Variants in RBFOX1 observed in about 807,000 individuals in gnomAD.
The protein encoded by RBFOX1 is RNA binding protein fox-1 homolog 1.
In RBFOX1, 8 loss-of-function variants were observed where a neutral mutation model predicts 57.7. The observed-to-expected ratio is 0.14, with a 90% confidence interval of 0.08 to 0.25. The LOEUF (loss-of-function observed/expected upper bound fraction) is 0.25. Among genes scored for constraint, RBFOX1 ranks in the 10% least tolerant of loss-of-function variants. The pLI is 1.00. For missense variants in RBFOX1, 611 were observed against 548.5 expected, an observed-to-expected ratio of 1.11 and a Z score of -1.14; for synonymous variants, 326 against 222.4, an observed-to-expected ratio of 1.47 and a Z score of -4.15.
intron 1 of RBFOX1, among the ~76,000 whole-genome samples, chr16:6,179,645 C>T (rs1354243094): frequency 1.3e-5 from 2 of 152,194 alleles, no homozygotes; most frequent in Non-Finnish European, 2.9e-5. Context: ...CCCAACAGCA[C>T]CTGCTGCTGC....
chr16:6,592,701 CGTGTGT>C (rs763077469), intron 2 of RBFOX1, among the ~76,000 whole-genome samples: 1 of 151,584 alleles, frequency 6.6e-6, no homozygotes, highest in African/African-American at 2.4e-5. Flanking sequence ...TGAGAAATGT[CGTGTGT>C]GTGTGTGTAC....
intron 3 of RBFOX1, among the ~76,000 whole-genome samples, chr16:7,034,493 A>G (rs1440713116): frequency 2.0e-5 from 3 of 152,108 alleles, no homozygotes; most frequent in Non-Finnish European, 4.4e-5. Context: ...GTGTATGACC[A>G]TCTATCTCTA....
intron 13 of RBFOX1, among the ~76,000 whole-genome samples, chr16:7,669,661 A>G (rs1224546193): frequency 6.6e-6 from 1 of 152,174 alleles, no homozygotes; most frequent in Admixed American, 6.5e-5. Flanking sequence ...TTATTTCTGA[A>G]TTCCTGTCAC....
At chr16:7,276,341 C>T (rs898065680) in intron 4 of RBFOX1, among the ~76,000 whole-genome samples, 1 of 152,170 alleles carries the variant, frequency 6.6e-6, no homozygotes, top group African/African-American at 2.4e-5. Context: ...TGTTTGGAGG[C>T]AGCTAGGTTT....
chr16:7,244,769 A>C (rs1465668315), intron 4 of RBFOX1, among the ~76,000 whole-genome samples: 3 of 152,210 alleles, frequency 2.0e-5, no homozygotes, highest in African/African-American at 7.2e-5. Flanking sequence ...GGAGGTCATC[A>C]CACTCGAAGG....
intron 1 of RBFOX1, among the ~76,000 whole-genome samples, chr16:6,275,424 T>A (rs1338707364): frequency 2.6e-5 from 4 of 152,232 alleles, no homozygotes; most frequent in Non-Finnish European, 4.4e-5. Flanking sequence ...CTTGACTGCT[T>A]TCAGAATGTT....
rs190122601 is a variant in RBFOX1, at chr16:5,741,266, G to T, written c.319-126037G>T. On this transcript the variant is annotated intron_variant, in intron 3 of 19. Coordinates refer to the RBFOX1 transcript ENST00000641259. Reference sequence around the variant, plus strand: ...GAGCAATCAGTGGGGTCGCCCTGAAGACTGCAGGAGTCATAAGGCCGCAAG... The same window carrying T: ...GAGCAATCAGTGGGGTCGCCCTGAATACTGCAGGAGTCATAAGGCCGCAAG... Among the ~76,000 whole-genome samples the T allele has an allele frequency of 3.4e-3, 512 of 152,306 alleles. 1 individual carries two copies. The highest frequency in any genetic ancestry group is 5.5e-3 in the Non-Finnish European group (375 of 68,036).
chr16:7,182,246 C>A (rs915016168), intron 4 of RBFOX1, among the ~76,000 whole-genome samples: 1 of 152,034 alleles, frequency 6.6e-6, no homozygotes, highest in Non-Finnish European at 1.5e-5. Flanking sequence ...GCTAGTTTAC[C>A]TTCGCTTTGT....
chr16:5,480,550 C>T (rs1000123426), intron 2 of RBFOX1, among the ~76,000 whole-genome samples: 29 of 152,124 alleles, frequency 1.9e-4, no homozygotes, highest in Admixed American at 1.1e-3. Context: ...TGCACAATGC[C>T]CTGTTCGCCC....
chr16:6,907,060 A>G (rs965152828), intron 3 of RBFOX1, among the ~76,000 whole-genome samples: 4 of 152,152 alleles, frequency 2.6e-5, no homozygotes, highest in African/African-American at 9.7e-5. Context: ...ATTGTTTATG[A>G]TCTCCATGTC....
chr16:6,971,207 T>A (rs189587505), intron 3 of RBFOX1, among the ~76,000 whole-genome samples: 2 of 152,084 alleles, frequency 1.3e-5, no homozygotes, highest in Admixed American at 1.3e-4. Context: ...TTTTAAAATA[T>A]AGAAAGAGGT....
chr16:7,487,874 C>A (rs930456689), intron 4 of RBFOX1, among the ~76,000 whole-genome samples: 1 of 152,178 alleles, frequency 6.6e-6, no homozygotes, highest in African/African-American at 2.4e-5. Context: ...TTTTAACAGT[C>A]AATCTCAATT....
At chr16:7,580,574 T>G (rs2093680801) in intron 6 of RBFOX1, among the ~76,000 whole-genome samples, 1 of 152,186 alleles carries the variant, frequency 6.6e-6, no homozygotes, top group Non-Finnish European at 1.5e-5. Flanking sequence ...AAGTGTAGCC[T>G]TGCCCAGGCA....
At chr16:5,843,880 C>T (rs1049651019) in intron 3 of RBFOX1, among the ~76,000 whole-genome samples, 1 of 152,228 alleles carries the variant, frequency 6.6e-6, no homozygotes, top group Non-Finnish European at 1.5e-5. Context: ...ATGCAGCAAG[C>T]TCCAACAAGC....
intron 5 of RBFOX1, among the ~76,000 whole-genome samples, chr16:7,526,352 G>A (rs1301795361): frequency 6.6e-6 from 1 of 152,172 alleles, no homozygotes; most frequent in Non-Finnish European, 1.5e-5. Context: ...CTCTAGCTTA[G>A]ACAAACAGGT....
intron 4 of RBFOX1, among the ~76,000 whole-genome samples, chr16:7,078,081 C>G (rs2153791195): frequency 6.6e-6 from 1 of 152,322 alleles, no homozygotes; most frequent in Admixed American, 6.5e-5. Context: ...CTCTCTACCA[C>G]TTGCTCCTCC....
chr16:5,857,417 A>T (rs1369289130), intron 3 of RBFOX1, among the ~76,000 whole-genome samples: 2 of 152,210 alleles, frequency 1.3e-5, no homozygotes, highest in Non-Finnish European at 2.9e-5. Flanking sequence ...CACTGTTGGG[A>T]AAATGGCACT....
chr16:6,236,433 A>G (rs1043445997), intron 1 of RBFOX1, among the ~76,000 whole-genome samples: 1 of 145,044 alleles, frequency 6.9e-6, no homozygotes, highest in African/African-American at 2.8e-5. Context: ...CTTTATTATG[A>G]TGTTTATTTT....
At chr16:7,454,494 G>T (rs188731203) in intron 4 of RBFOX1, among the ~76,000 whole-genome samples, 6 of 152,280 alleles carry the variant, frequency 3.9e-5, no homozygotes, top group African/African-American at 1.4e-4. Flanking sequence ...TTATAGATAT[G>T]ATCAAGTTGA....
Sources: gnomAD v4.1 joint callset for allele counts (sites outside exome capture counted in the v4.1 genomes callset) on GRCh38, gnomAD v4.1.1 for gene constraint, MANE v1.5 for transcripts, NCBI Gene and HGNC (gene_info 2026-07-23, HGNC 2026-07-21) for gene names.